Variants in RBFOX1 observed in about 807,000 individuals in gnomAD.
RBFOX1 encodes RNA binding protein fox-1 homolog 1.
Under a neutral mutation model 57.7 loss-of-function variants are expected in RBFOX1, and 8 were observed. The ratio of observed to expected loss-of-function variants is 0.14; its 90% CI spans 0.08 to 0.25. RBFOX1 has a LOEUF of 0.25. Ranked by LOEUF, RBFOX1 falls within the 10% of genes least tolerant of loss-of-function variation. RBFOX1 has a pLI of 1.00. For missense variants in RBFOX1, 611 were observed against 548.5 expected, an observed-to-expected ratio of 1.11 and a Z score of -1.14; for synonymous variants, 326 against 222.4, an observed-to-expected ratio of 1.47 and a Z score of -4.15.
At chr16:7,081,442 A>G (rs772217644) in intron 4 of RBFOX1, among the ~76,000 whole-genome samples, 1 of 152,138 alleles carries the variant, frequency 6.6e-6, no homozygotes, top group African/African-American at 2.4e-5. Flanking sequence ...GCCACTCCTC[A>G]TGGGGGAATC....
At chr16:5,874,725 A>G (rs2057561478) in intron 4 of RBFOX1, among the ~76,000 whole-genome samples, 1 of 152,128 alleles carries the variant, frequency 6.6e-6, no homozygotes, top group Non-Finnish European at 1.5e-5. Context: ...CAGGAAAATC[A>G]CTTGAACCAG....
At chr16:5,670,771 C>T (rs1201069422) in intron 3 of RBFOX1, among the ~76,000 whole-genome samples, 3 of 152,220 alleles carry the variant, frequency 2.0e-5, no homozygotes, top group Non-Finnish European at 4.4e-5. Flanking sequence ...TGTCAACAAA[C>T]TTGGAAGTGT....
chr16:5,580,171 C>G (rs766275928), intron 2 of RBFOX1, among the ~76,000 whole-genome samples: 1 of 152,166 alleles, frequency 6.6e-6, no homozygotes, highest in Non-Finnish European at 1.5e-5. Context: ...CTCCCTTGGC[C>G]CAGCGTAGTG....
intron 1 of RBFOX1, among the ~76,000 whole-genome samples, chr16:6,145,887 C>T (rs931360867): frequency 2.0e-5 from 3 of 152,280 alleles, no homozygotes; most frequent in African/African-American, 7.2e-5. Flanking sequence ...TCTCTCACTC[C>T]TGGGGCAGGT....
intron 2 of RBFOX1, among the ~76,000 whole-genome samples, chr16:6,407,569 C>G (rs75781937): frequency 1.1e-3 from 29 of 25,884 alleles, no homozygotes; most frequent in South Asian, 6.5e-3. Context: ...GTGTGTGTGA[C>G]AGAGAGAGAG....
intron 2 of RBFOX1, among the ~76,000 whole-genome samples, chr16:6,470,220 C>G (rs12446230): frequency 0.13 from 20,150 of 152,158 alleles, 1,576 homozygotes; most frequent in Middle Eastern, 0.17. Context: ...CCTTTATGTC[C>G]TGTCTGGATA....
chr16:6,416,872 A>C (rs2093638057), intron 2 of RBFOX1, among the ~76,000 whole-genome samples: 1 of 152,318 alleles, frequency 6.6e-6, no homozygotes, highest in African/African-American at 2.4e-5. Context: ...ATGACTAAGG[A>C]AGTAATGATG....
intron 4 of RBFOX1, among the ~76,000 whole-genome samples, chr16:5,899,301 C>G (rs12921351): frequency 0.3 from 44,944 of 151,838 alleles, 8,134 homozygotes; most frequent in South Asian, 0.5. Flanking sequence ...CAAACAGACA[C>G]AAACATGATG....
At chr16:5,767,486 G>A (rs952755217) in intron 3 of RBFOX1, among the ~76,000 whole-genome samples, 3 of 152,154 alleles carry the variant, frequency 2.0e-5, no homozygotes, top group African/African-American at 7.2e-5. Flanking sequence ...AAGGCATGAA[G>A]CATGTGTGTA....
chr16:5,244,521 C>A (rs1365715736), intron 1 of RBFOX1, among the ~76,000 whole-genome samples: 1 of 152,204 alleles, frequency 6.6e-6, no homozygotes, highest in Non-Finnish European at 1.5e-5. Flanking sequence ...TTTGGACCAA[C>A]CTCTGGGTTT....
chr16:6,156,765 G>A (rs1333346169), intron 1 of RBFOX1, among the ~76,000 whole-genome samples: 1 of 152,148 alleles, frequency 6.6e-6, no homozygotes, highest in African/African-American at 2.4e-5. Context: ...TCCATTGGGG[G>A]CTCTTGTGTT....
At chr16:5,603,463 C>T (rs915514061), downstream of RBFOX1, among the ~76,000 whole-genome samples, 6 of 152,164 alleles carry the variant, frequency 3.9e-5, no homozygotes, top group African/African-American at 1.4e-4. Flanking sequence ...AGGGGAAGGC[C>T]AGCAGGTTCT....
At chr16:7,416,429 C>T (rs2098478573) in intron 4 of RBFOX1, among the ~76,000 whole-genome samples, 1 of 152,156 alleles carries the variant, frequency 6.6e-6, no homozygotes, top group African/African-American at 2.4e-5. Flanking sequence ...GCCTGGGAGT[C>T]ACCCCCAACC....
chr16:7,168,249 G>C (rs901391107), intron 4 of RBFOX1, among the ~76,000 whole-genome samples: 6 of 152,140 alleles, frequency 3.9e-5, no homozygotes, highest in Non-Finnish European at 5.9e-5. Context: ...GTTTGATCTA[G>C]AATTTTTGGA....
chr16:6,233,081 A>T (rs547283881), intron 1 of RBFOX1, among the ~76,000 whole-genome samples: 16 of 152,276 alleles, frequency 1.1e-4, no homozygotes, highest in Non-Finnish European at 1.0e-4. Context: ...CTTGTAGTTT[A>T]CTGAGGCAGG....
chr16:7,659,335 C>T (rs542651000), intron 12 of RBFOX1, among the ~76,000 whole-genome samples: 6 of 152,304 alleles, frequency 3.9e-5, no homozygotes, highest in Non-Finnish European at 8.8e-5. Context: ...GGACTATGGG[C>T]ATATCTTTCT....
chr16:7,526,309 A>T (rs1424341433), intron 5 of RBFOX1, among the ~76,000 whole-genome samples: 2 of 152,152 alleles, frequency 1.3e-5, no homozygotes, highest in African/African-American at 2.4e-5. Flanking sequence ...ATGGCTTAGA[A>T]TTCTCATGAA....
chr16:7,070,606 G>C (rs1323239955), intron 4 of RBFOX1, among the ~76,000 whole-genome samples: 1 of 152,146 alleles, frequency 6.6e-6, no homozygotes, highest in East Asian at 1.9e-4. Flanking sequence ...AAGTGGTTTT[G>C]ATTAACCTGG....
intron 3 of RBFOX1, among the ~76,000 whole-genome samples, chr16:6,796,073 G>A (rs545334535): frequency 3.3e-5 from 5 of 152,094 alleles, no homozygotes; most frequent in Non-Finnish European, 7.4e-5. Context: ...AAAGAAAGAG[G>A]TTTATTAGGC....
Sources: gnomAD v4.1 joint callset for allele counts (sites outside exome capture counted in the v4.1 genomes callset) on GRCh38, gnomAD v4.1.1 for gene constraint, MANE v1.5 for transcripts, NCBI Gene and HGNC (gene_info 2026-07-23, HGNC 2026-07-21) for gene names.